DAB2IP: variants seen among roughly 807,000 people sequenced by gnomAD.
DAB2IP encodes the protein DAB2 interacting protein.
Under a neutral mutation model 107.2 loss-of-function variants are expected in DAB2IP, and 28 were observed. The ratio of observed to expected loss-of-function variants is 0.26; its 90% confidence interval spans 0.19 to 0.36. DAB2IP has a LOEUF of 0.36. Among genes scored for constraint, DAB2IP ranks in the 10% least tolerant of loss-of-function variants. The probability of loss-of-function intolerance (pLI) is 1.00; values close to 1 mark genes in which losing one functional copy is unlikely to be tolerated. For synonymous variants in DAB2IP, 755 were observed against 706.4 expected, an observed-to-expected ratio of 1.07 and a Z score of -1.09; for missense variants, 1,400 against 1,644.7, an observed-to-expected ratio of 0.85 and a Z score of 2.57.
intron 1 of DAB2IP, among the ~76,000 whole-genome samples, chr9:121,604,064 A>C (rs867975470): frequency 1.3e-5 from 2 of 151,184 alleles, no homozygotes; most frequent in South Asian, 2.1e-4. Flanking sequence ...AGTGTTTTGC[A>C]CCCTGATCCT....
chr9:121,670,023 C>T (rs188219248), intron 1 of DAB2IP, among the ~76,000 whole-genome samples: 1 of 152,192 alleles, frequency 6.6e-6, no homozygotes, highest in Non-Finnish European at 1.5e-5. Context: ...ACTATTCCAT[C>T]ACCACGAAGA....
At chr9:121,628,703 C>T (rs1363362220) in intron 1 of DAB2IP, among the ~76,000 whole-genome samples, 1 of 152,112 alleles carries the variant, frequency 6.6e-6, no homozygotes, top group Non-Finnish European at 1.5e-5. Context: ...GAAAGCGGGG[C>T]ATGCAGAGGG....
intron 2 of DAB2IP, among the ~76,000 whole-genome samples, chr9:121,695,615 A>G (rs1293056188): frequency 6.6e-6 from 1 of 152,194 alleles, no homozygotes; most frequent in African/African-American, 2.4e-5. Context: ...GTCCAGCGCC[A>G]TCTGCAGGAG....
At chr9:121,778,425 G>T (rs184279699) in intron 14 of DAB2IP, among the ~76,000 whole-genome samples, 1 of 152,102 alleles carries the variant, frequency 6.6e-6, no homozygotes, top group East Asian at 1.9e-4. Context: ...TCTTGCTTTC[G>T]TCTAAATGGT....
chr9:121,648,815 A>C (rs78320538), upstream of DAB2IP, among the ~76,000 whole-genome samples: 22 of 152,056 alleles, frequency 1.4e-4, no homozygotes, highest in Non-Finnish European at 2.6e-4. Flanking sequence ...TGAGGCTCTC[A>C]TGTTGGCAGG....
intron 1 of DAB2IP, among the ~76,000 whole-genome samples, chr9:121,567,690 A>G (rs540917434): frequency 6.6e-6 from 1 of 152,284 alleles, no homozygotes; most frequent in South Asian, 2.1e-4. Flanking sequence ...TCCCCGTGTG[A>G]CAGGGCCCCA....
Position 121,733,376 on chromosome 9 carries a change from GC to G in DAB2IP, c.363-23634del, listed in dbSNP as rs139768723. Among the ~76,000 whole-genome samples the G allele has an allele frequency of 3.4e-3, 518 of 152,366 alleles. 4 individuals carry two copies. The highest frequency in any genetic ancestry group is 0.012 in the African/African-American group (493 of 41,584). On this transcript the variant is annotated intron_variant, in intron 3 of 15. Transcript: ENST00000408936. ...CTGGAGGTATTCCTTGACAGTCGTG[GC>G]CCAGACTCTCTTGTCATTCAAAGAA...
rs569938203 is a variant in DAB2IP, at chr9:121,736,716, T to C, written c.363-20297T>C. Among the ~76,000 whole-genome samples the C allele has an allele frequency of 6.6e-6, 1 of 152,374 alleles. No homozygotes were observed. The highest frequency in any genetic ancestry group is 6.5e-5 in the Admixed American group (1 of 15,312). On this transcript the variant is annotated intron_variant, in intron 3 of 15. Transcript: ENST00000408936. The surrounding 1 kb of genome is among the most constrained non-coding windows in gnomAD (Gnocchi z 4.6). The stretch of plus-strand genomic sequence containing the variant: ...ATCTTTTGGTTCCCCCGCTCCTGCC[T>C]TCCACTGCTCTGGCTGACCTGGCTC...
chr9:121,589,614 A>C (rs1227329395), intron 1 of DAB2IP, among the ~76,000 whole-genome samples: 1 of 152,076 alleles, frequency 6.6e-6, no homozygotes, highest in Non-Finnish European at 1.5e-5. Flanking sequence ...CCACCTGATG[A>C]CATTGTTACC....
chr9:121,652,596 G>C (rs991263694), intron 1 of DAB2IP, among the ~76,000 whole-genome samples: 1 of 152,166 alleles, frequency 6.6e-6, no homozygotes, highest in African/African-American at 2.4e-5. Flanking sequence ...CTTCAAAGGG[G>C]CTCTGGGGAG....
At chr9:121,643,342 A>C (rs1459167315) in intron 1 of DAB2IP, among the ~76,000 whole-genome samples, 1 of 152,004 alleles carries the variant, frequency 6.6e-6, no homozygotes, top group Non-Finnish European at 1.5e-5. Context: ...ACAGCCACAC[A>C]GTGACAAATC....
chr9:121,777,583 C>T (rs1222784043), intron 14 of DAB2IP, among the ~76,000 whole-genome samples: 1 of 152,222 alleles, frequency 6.6e-6, no homozygotes, highest in East Asian at 1.9e-4. Flanking sequence ...TTCTACTAAC[C>T]AATCCTGGAA....
intron 1 of DAB2IP, among the ~76,000 whole-genome samples, chr9:121,581,601 G>A (rs1830195543): frequency 6.6e-6 from 1 of 152,174 alleles, no homozygotes; most frequent in Admixed American, 6.5e-5. Context: ...ACCAGGAAGT[G>A]ACAGAGTCAG....
upstream of DAB2IP, among the ~76,000 whole-genome samples, chr9:121,647,069 C>T (rs1832564377): frequency 6.6e-6 from 1 of 152,080 alleles, no homozygotes; most frequent in Admixed American, 6.5e-5. Context: ...AGGATTAAAC[C>T]CAAACTCCAC....
chr9:121,648,612 G>T (rs767264358), upstream of DAB2IP, among the ~76,000 whole-genome samples: 1 of 152,110 alleles, frequency 6.6e-6, no homozygotes, highest in Admixed American at 6.5e-5. Context: ...ATGTTTCCAG[G>T]CCCCATCCAG....
intron 3 of DAB2IP, among the ~76,000 whole-genome samples, chr9:121,720,651 C>A (rs147621629): frequency 6.6e-6 from 1 of 152,272 alleles, no homozygotes; most frequent in Non-Finnish European, 1.5e-5. Flanking sequence ...ACAGCTGTTT[C>A]TTTCCAACCC....
intron 3 of DAB2IP, among the ~76,000 whole-genome samples, chr9:121,706,350 G>A (rs1830057556): frequency 6.6e-6 from 1 of 152,154 alleles, no homozygotes. Context: ...GGGGCCTGTG[G>A]GCTATCGCTG....
intron 1 of DAB2IP, among the ~76,000 whole-genome samples, chr9:121,581,436 C>G (rs1830192815): frequency 6.6e-6 from 1 of 152,164 alleles, no homozygotes; most frequent in Admixed American, 6.5e-5. Flanking sequence ...AGGAGGGGAG[C>G]TAGTCAGACT....
intron 1 of DAB2IP, among the ~76,000 whole-genome samples, chr9:121,573,434 G>A (rs1829996042): frequency 6.6e-6 from 1 of 151,656 alleles, no homozygotes; most frequent in Non-Finnish European, 1.5e-5. Flanking sequence ...GCCCAGTTTA[G>A]AGTGCAGTAG....
Sources: gnomAD v4.1 joint callset for allele counts (sites outside exome capture counted in the v4.1 genomes callset) on GRCh38, gnomAD v4.1.1 for gene constraint, Gnocchi (gnomAD v3.1) non-coding constraint, MANE v1.5 for transcripts, NCBI Gene and HGNC (gene_info 2026-07-23, HGNC 2026-07-21) for gene names.